PTPN14: variants seen among roughly 807,000 people sequenced by gnomAD.
PTPN14 encodes the protein protein tyrosine phosphatase non-receptor type 14, also known as tyrosine-protein phosphatase non-receptor type 14.
Under a neutral mutation model 126.8 loss-of-function variants are expected in PTPN14, and 53 were observed. The ratio of observed to expected loss-of-function variants is 0.42; its 90% CI spans 0.34 to 0.53. The LOEUF (loss-of-function observed/expected upper bound fraction) is 0.53, where lower values mean the gene tolerates loss of function less well. Ranked by LOEUF, PTPN14 falls within the 20% of genes least tolerant of loss-of-function variation. PTPN14 has a pLI of 0.08. For missense variants in PTPN14, 1,257 were observed against 1,552.9 expected, an observed-to-expected ratio of 0.81 and a Z score of 3.20; for synonymous variants, 630 against 599.3, an observed-to-expected ratio of 1.05 and a Z score of -0.75.
chr1:214,511,450 A>C (rs982953549), intron 1 of PTPN14, among the ~76,000 whole-genome samples: 17 of 152,032 alleles, frequency 1.1e-4, no homozygotes, highest in African/African-American at 3.9e-4. Context: ...AGCCACAGTG[A>C]GACAATGAGG....
At chr1:214,474,733 A>T (rs61819632) in intron 1 of PTPN14, among the ~76,000 whole-genome samples, 2 of 152,264 alleles carry the variant, frequency 1.3e-5, no homozygotes, top group South Asian at 4.1e-4. Flanking sequence ...AACTCTTGGA[A>T]TAAGGGGGTG....
intron 5 of PTPN14, among the ~76,000 whole-genome samples, chr1:214,408,427 C>G (rs1435810993): frequency 1.3e-5 from 2 of 152,176 alleles, no homozygotes; most frequent in African/African-American, 4.8e-5. Context: ...ACCCACCAAC[C>G]AACCAACAAA....
chr1:214,477,718 G>A (rs919696130), intron 1 of PTPN14, among the ~76,000 whole-genome samples: 11 of 152,196 alleles, frequency 7.2e-5, no homozygotes, highest in Non-Finnish European at 8.8e-5. Context: ...CCTGTAGGGT[G>A]TAAGCACACT....
intron 3 of PTPN14, among the ~76,000 whole-genome samples, chr1:214,446,951 A>G (rs550239741): frequency 2.0e-4 from 30 of 152,276 alleles, no homozygotes; most frequent in Admixed American, 2.0e-4. Context: ...TGCCTCCTCC[A>G]ACGGGTTGCC....
intron 1 of PTPN14, among the ~76,000 whole-genome samples, chr1:214,523,575 T>G (rs1380785609): frequency 6.6e-6 from 1 of 152,184 alleles, no homozygotes; most frequent in Non-Finnish European, 1.5e-5. Context: ...TAATGTTTGC[T>G]CAACGACTAA....
intron 11 of PTPN14, among the ~76,000 whole-genome samples, chr1:214,390,401 G>A (rs1658721343): frequency 6.6e-6 from 1 of 152,128 alleles, no homozygotes; most frequent in Non-Finnish European, 1.5e-5. Flanking sequence ...CAAAGCAGCA[G>A]CTAAAGCTAG....
intron 11 of PTPN14, among the ~76,000 whole-genome samples, chr1:214,389,884 T>C (rs1482756467): frequency 6.6e-6 from 1 of 152,246 alleles, no homozygotes; most frequent in East Asian, 1.9e-4. Context: ...CCAACGTATC[T>C]GTTACATTTT....
At chr1:214,376,144 C>T in intron 15 of PTPN14, 75 bp downstream of exon 15, 1 of 1,374,894 alleles carries the variant, frequency 7.3e-7, no homozygotes, top group Non-Finnish European at 1.0e-6. Context: ...GCAGCCCACA[C>T]ATTTTCTTCT....
At chr1:214,362,635 A>C (rs1657982218) in intron 18 of PTPN14, among the ~76,000 whole-genome samples, 1 of 152,242 alleles carries the variant, frequency 6.6e-6, no homozygotes, top group Non-Finnish European at 1.5e-5. Context: ...CTCAGAACAG[A>C]ATAGTCTTTC....
intron 1 of PTPN14, among the ~76,000 whole-genome samples, chr1:214,480,221 C>T (rs984803699): frequency 1.3e-5 from 2 of 152,182 alleles, no homozygotes; most frequent in Non-Finnish European, 2.9e-5. Flanking sequence ...TTATTGCATA[C>T]TCCTAAATTG....
In PTPN14 at chr1:214,477,912, T is replaced by C. The variant is rs1339324999; in HGVS notation, c.-154-12955A>G. ...TGCTCTTCTGATTTATGTTTCAGAA[T>C]GCTAAGGATTTCAAACCTCCCTAGG... On this transcript the variant is annotated intron_variant, in intron 1 of 18. Transcript: ENST00000366956. Among the ~76,000 whole-genome samples the C allele has an allele frequency of 2.6e-5, 4 of 152,246 alleles. No homozygotes were observed. The East Asian group carries it at 5.8e-4, about 22-fold the overall frequency.
chr1:214,467,282 C>T (rs1361389997), intron 1 of PTPN14, among the ~76,000 whole-genome samples: 1 of 151,926 alleles, frequency 6.6e-6, no homozygotes, highest in Admixed American at 6.6e-5. Flanking sequence ...GCACAGAACA[C>T]AAGAGGCCAA....
chr1:214,470,322 G>A (rs1233378106), intron 1 of PTPN14, among the ~76,000 whole-genome samples: 2 of 151,998 alleles, frequency 1.3e-5, no homozygotes, highest in Non-Finnish European at 2.9e-5. Context: ...TAACAATGCT[G>A]ACTCCTAATT....
chr1:214,452,419 C>T (rs1400653981), intron 2 of PTPN14, among the ~76,000 whole-genome samples: 2 of 152,220 alleles, frequency 1.3e-5, no homozygotes, highest in East Asian at 3.8e-4. Context: ...AACCGCCTGC[C>T]AACTGAAAGC....
chr1:214,537,608 T>C (rs992949300), intron 1 of PTPN14, among the ~76,000 whole-genome samples: 1 of 152,210 alleles, frequency 6.6e-6, no homozygotes, highest in Non-Finnish European at 1.5e-5. Context: ...GTAAGTACTA[T>C]ACTAACTAAA....
At chr1:214,548,784 A>C (rs1015994578) in intron 1 of PTPN14, among the ~76,000 whole-genome samples, 3 of 152,220 alleles carry the variant, frequency 2.0e-5, no homozygotes, top group African/African-American at 7.2e-5. Context: ...GTTCAGGGCA[A>C]ATAAGAATTA....
intron 1 of PTPN14, among the ~76,000 whole-genome samples, chr1:214,500,556 G>A (rs557912817): frequency 2.0e-5 from 3 of 152,172 alleles, no homozygotes; most frequent in South Asian, 4.2e-4. Flanking sequence ...TTGAGGCATC[G>A]GCTCACTGAG....
intron 1 of PTPN14, among the ~76,000 whole-genome samples, chr1:214,534,743 A>AAATAAATAAATAAATAAAT (rs1487444233): frequency 3.0e-3 from 94 of 31,182 alleles, no homozygotes; most frequent in African/African-American, 0.015. Context: ...AATAAATAAA[A>AAATAAATAAATAAATAAAT]GACGGAATTA....
chr1:214,451,494 T>G (rs1182685343), intron 3 of PTPN14, among the ~76,000 whole-genome samples: 4 of 152,106 alleles, frequency 2.6e-5, no homozygotes, highest in African/African-American at 9.7e-5. Flanking sequence ...ATTAAATTCT[T>G]GCATGCCTAT....
Sources: allele counts gnomAD v4.1 joint callset (sites outside exome capture counted in the v4.1 genomes callset), GRCh38; gene constraint gnomAD v4.1.1; transcripts MANE v1.5; gene names NCBI Gene and HGNC (gene_info 2026-07-23, HGNC 2026-07-21).